The following NGEF variants were observed in gnomAD, a reference collection of about 807,000 sequenced individuals.
NGEF encodes the protein ephexin-1.
In NGEF, 31 loss-of-function variants were observed where a neutral mutation model predicts 80.9. The observed-to-expected ratio is 0.38, with a 90% CI of 0.29 to 0.52. NGEF has a LOEUF of 0.52. Among genes scored for constraint, NGEF ranks in the 20% least tolerant of loss-of-function variants. The pLI is 0.84. For synonymous variants in NGEF, 371 were observed against 370.2 expected (o/e 1.00, Z -0.03); for missense variants, 709 against 926.2 (o/e 0.77, Z 3.04).
At chr2:232,884,968 T>G (rs2292724) in intron 10 of NGEF, 44,420 of 262,972 alleles carry the variant, frequency 0.17, 4,598 homozygotes, top group Non-Finnish European at 0.2. Flanking sequence ...ACATCCTCCA[T>G]GTAAACTGAC....
intron 5 of NGEF, among the ~76,000 whole-genome samples, chr2:232,902,314 G>A (rs1187390886): frequency 1.3e-5 from 2 of 152,196 alleles, no homozygotes; most frequent in Non-Finnish European, 2.9e-5. Flanking sequence ...CAATGATGAT[G>A]AAGTCGGACT....
chr2:232,906,082 C>T (rs1448570451), intron 5 of NGEF, among the ~76,000 whole-genome samples: 2 of 124,098 alleles, frequency 1.6e-5, no homozygotes, highest in African/African-American at 3.0e-5. Flanking sequence ...GGGGGTCAGC[C>T]CCCCGCCTGG....
chr2:232,950,952 C>A (rs553774724), intron 3 of NGEF, among the ~76,000 whole-genome samples: 5 of 152,218 alleles, frequency 3.3e-5, no homozygotes, highest in African/African-American at 9.6e-5. Context: ...TTATTCAATG[C>A]GTGGCTATTA....
At chr2:232,934,431 C>T (rs922277882) in intron 3 of NGEF, among the ~76,000 whole-genome samples, 2 of 151,360 alleles carry the variant, frequency 1.3e-5, no homozygotes, top group Non-Finnish European at 2.9e-5. Context: ...AGTGAAATTA[C>T]GTATGTTAAG....
intron 1 of NGEF, among the ~76,000 whole-genome samples, chr2:232,979,028 G>C (rs1694354159): frequency 6.6e-6 from 1 of 152,186 alleles, no homozygotes; most frequent in South Asian, 2.1e-4. Context: ...TGCGGTGCCA[G>C]GGATGCAACG....
intron 3 of NGEF, among the ~76,000 whole-genome samples, chr2:232,968,732 C>T (rs989917263): frequency 1.3e-5 from 2 of 152,232 alleles, no homozygotes; most frequent in Non-Finnish European, 2.9e-5. Flanking sequence ...GACACACCCA[C>T]TTCCCAGCCT....
intron 12 of NGEF, among the ~76,000 whole-genome samples, chr2:232,882,526 G>A (rs913638176): frequency 1.3e-5 from 2 of 152,264 alleles, no homozygotes; most frequent in Admixed American, 6.5e-5. Context: ...AGGCAGTGAG[G>A]GTGAGCCCAC....
chr2:232,945,674 C>T (rs1354643683), intron 3 of NGEF, among the ~76,000 whole-genome samples: 1 of 152,004 alleles, frequency 6.6e-6, no homozygotes, highest in South Asian at 2.1e-4. Flanking sequence ...TGCTTTGGCA[C>T]TTCTGGTCTC....
chr2:232,933,991 C>T lies in NGEF; in HGVS notation c.384-6805G>A, dbSNP rs1250145754. Among the ~76,000 whole-genome samples the T allele has an allele frequency of 2.0e-5, 3 of 152,190 alleles. No individual in the cohort carries two copies. In the East Asian group the frequency reaches 5.8e-4, roughly 29 times the overall value. On this transcript the variant is annotated intron_variant, in intron 3 of 14. Coordinates refer to ENST00000264051, the MANE Select transcript of NGEF (RefSeq NM_019850.3). The stretch of plus-strand genomic sequence containing the variant: ...GGGCACAGTGGCTCACACCTGTAAT[C>T]CCAGCACTTTGGGAGGCCGAGGCAG...
chr2:232,912,546 C>T (rs1692710685), intron 5 of NGEF, among the ~76,000 whole-genome samples: 1 of 152,102 alleles, frequency 6.6e-6, no homozygotes, highest in African/African-American at 2.4e-5. Context: ...GGGAAGCATT[C>T]CTTCTTCTAT....
chr2:232,952,297 A>G (rs1416483181), intron 3 of NGEF, among the ~76,000 whole-genome samples: 1 of 152,258 alleles, frequency 6.6e-6, no homozygotes, highest in Non-Finnish European at 1.5e-5. Context: ...ACTCCAACAG[A>G]TATCTATAGA....
chr2:232,928,873 T>C (rs1693157277), intron 3 of NGEF, among the ~76,000 whole-genome samples: 2 of 152,126 alleles, frequency 1.3e-5, no homozygotes, highest in African/African-American at 2.4e-5. Context: ...GTTAGCTGGG[T>C]CAGTCCGCTC....
At chr2:232,976,108 G>A (rs752586765) in intron 1 of NGEF, among the ~76,000 whole-genome samples, 4 of 152,118 alleles carry the variant, frequency 2.6e-5, no homozygotes, top group African/African-American at 9.7e-5. Context: ...GGCTGAGGCA[G>A]GAGAATCGCT....
chr2:232,986,516 T>G (rs1266341452), intron 1 of NGEF, among the ~76,000 whole-genome samples: 1 of 152,254 alleles, frequency 6.6e-6, no homozygotes, highest in Non-Finnish European at 1.5e-5. Flanking sequence ...GGAATATCAT[T>G]CAGCCATAAA....
intron 3 of NGEF, among the ~76,000 whole-genome samples, chr2:232,968,437 G>T (rs1392598702): frequency 6.6e-5 from 10 of 150,806 alleles, no homozygotes; most frequent in Non-Finnish European, 1.5e-4. Flanking sequence ...ACGGAGTCTC[G>T]CTCTGTTGCG....
chr2:232,946,971 A>C (rs1286157985), intron 3 of NGEF, among the ~76,000 whole-genome samples: 1 of 152,230 alleles, frequency 6.6e-6, no homozygotes, highest in Non-Finnish European at 1.5e-5. Flanking sequence ...AAATCAACTA[A>C]TGTAAGTATG....
Position 232,970,235 on chromosome 2 carries a change from T to A in NGEF, c.362A>T (p.Asp121Val), listed in dbSNP as rs781445066. Residue 121 changes from aspartate (D) to valine (V), a missense_variant, in exon 3 of 15, where the codon GAC (aspartate) becomes GTC (valine). By Grantham distance (152) the Asp-to-Val change is radical (BLOSUM62 -3). Transcript: ENST00000264051. The stretch of plus-strand genomic sequence containing the variant: ...TTACCTCATTTCCTGGGCTCCTGGG[T>A]CTGTCTGCATTGCTGTTCTGCAAGG... ...MPPCRTAMQT[D>V]PGAQEMSESS... 17 of 1,594,160 alleles carry A rather than the reference T, an allele frequency of 1.1e-5. No homozygotes were observed. The South Asian group carries it at 1.8e-4, about 17-fold the overall frequency.
chr2:232,905,475 G>A (rs1264737249), intron 5 of NGEF, among the ~76,000 whole-genome samples: 2 of 152,202 alleles, frequency 1.3e-5, no homozygotes, highest in African/African-American at 4.8e-5. Flanking sequence ...CCAGCCGCCT[G>A]TCTTGGCCCC....
intron 2 of NGEF, 84 bp from the exon 3 acceptor site, chr2:232,970,412 A>G: frequency 1.1e-6 from 1 of 877,294 alleles, no homozygotes; most frequent in South Asian, 1.6e-5. Context: ...GGACAGTAGC[A>G]GCAGTCATGC....
Sources: gnomAD v4.1 joint callset for allele counts (sites outside exome capture counted in the v4.1 genomes callset) on GRCh38, gnomAD v4.1.1 for gene constraint, MANE v1.5 for transcripts, NCBI Gene and HGNC (gene_info 2026-07-23, HGNC 2026-07-21) for gene names.